Variants in TNFSF4 observed in about 807,000 individuals in gnomAD.
The protein encoded by TNFSF4 is TNF superfamily member 4.
A neutral mutation model predicts 7.3 loss-of-function variants in TNFSF4; 4 were observed. The observed-to-expected ratio is 0.55, with a 90% confidence interval of 0.27 to 1.25. The LOEUF is 1.25. Ranked by LOEUF, TNFSF4 falls within the 50% of genes most tolerant of loss-of-function variation. The pLI is 0.12. For missense variants in TNFSF4, 181 were observed against 208.8 expected (o/e 0.87, Z 0.82); for synonymous variants, 76 against 83.7 (o/e 0.91, Z 0.50).
the TNFSF4 span, among the ~76,000 whole-genome samples, chr1:173,376,579 A>T: frequency 6.6e-6 from 1 of 152,200 alleles, no homozygotes. Flanking sequence ...GTCTAGCTAA[A>T]GGTTTGTAAA....
the TNFSF4 span, among the ~76,000 whole-genome samples, chr1:173,442,488 C>T: frequency 6.7e-6 from 1 of 150,108 alleles, no homozygotes; most frequent in African/African-American, 2.5e-5. Flanking sequence ...CCTGAGAAAT[C>T]TAATCCACTC....
chr1:173,282,579 C>T, the TNFSF4 span, among the ~76,000 whole-genome samples: 1 of 151,924 alleles, frequency 6.6e-6, no homozygotes, highest in Admixed American at 6.6e-5. Flanking sequence ...CTGCCTTAGC[C>T]TCCTGAGTAG....
chr1:173,350,683 G>GCCTC, the TNFSF4 span, among the ~76,000 whole-genome samples: 1 of 152,212 alleles, frequency 6.6e-6, no homozygotes, highest in Admixed American at 6.5e-5. Flanking sequence ...GATTCTTGGT[G>GCCTC]CCTCCACCAA....
the TNFSF4 span, among the ~76,000 whole-genome samples, chr1:173,425,068 C>T: frequency 6.6e-6 from 1 of 152,338 alleles, no homozygotes; most frequent in South Asian, 2.1e-4. Context: ...GTCAATATTC[C>T]ACCCAGCCAC....
At chr1:173,175,734 A>T in the TNFSF4 span, among the ~76,000 whole-genome samples, 1 of 152,218 alleles carries the variant, frequency 6.6e-6, no homozygotes. Context: ...TCATCAGGTC[A>T]GACCAGCACT....
upstream of TNFSF4, among the ~76,000 whole-genome samples, chr1:173,210,616 G>T (rs751889996): frequency 1.3e-5 from 2 of 152,110 alleles, no homozygotes; most frequent in African/African-American, 2.4e-5. Flanking sequence ...AACATGGAGA[G>T]GTTTGAAGCA....
the TNFSF4 span, among the ~76,000 whole-genome samples, chr1:173,325,498 C>T: frequency 6.6e-6 from 1 of 151,858 alleles, no homozygotes. Flanking sequence ...TAGCAGAAGG[C>T]AAGAAATAAC....
intron 1 of TNFSF4, among the ~76,000 whole-genome samples, chr1:173,200,362 A>T (rs1462692514): frequency 6.6e-6 from 1 of 152,224 alleles, no homozygotes; most frequent in East Asian, 1.9e-4. Flanking sequence ...GAAGTAGGAA[A>T]AAGCTCTGCA....
chr1:173,302,545 AT>A, the TNFSF4 span, among the ~76,000 whole-genome samples: 1 of 151,920 alleles, frequency 6.6e-6, no homozygotes, highest in African/African-American at 2.4e-5. Flanking sequence ...ATTTAAGGTA[AT>A]GACTGACCCA....
chr1:173,274,219 T>C, the TNFSF4 span, among the ~76,000 whole-genome samples: 1 of 152,110 alleles, frequency 6.6e-6, no homozygotes, highest in East Asian at 1.9e-4. Flanking sequence ...TAAACACATA[T>C]TGCTCAACAA....
chr1:173,297,077 C>A, the TNFSF4 span, among the ~76,000 whole-genome samples: 2 of 151,834 alleles, frequency 1.3e-5, no homozygotes, highest in African/African-American at 4.8e-5. Context: ...TAATGATGAG[C>A]AAGAGAGTTT....
the TNFSF4 span, among the ~76,000 whole-genome samples, chr1:173,416,448 G>A: frequency 6.6e-6 from 1 of 151,996 alleles, no homozygotes; most frequent in Non-Finnish European, 1.5e-5. Context: ...AGAGGGAAGG[G>A]GACCAAAGGG....
the TNFSF4 span, among the ~76,000 whole-genome samples, chr1:173,357,888 C>T: frequency 1.3e-5 from 2 of 152,174 alleles, no homozygotes; most frequent in Non-Finnish European, 2.9e-5. Context: ...AAGAATAACA[C>T]ACACTATAGT....
chr1:173,204,298 C>A (rs1650083230), intron 1 of TNFSF4, among the ~76,000 whole-genome samples: 1 of 152,108 alleles, frequency 6.6e-6, no homozygotes, highest in South Asian at 2.1e-4. Flanking sequence ...TCTCATAATA[C>A]AGATTATAAA....
the TNFSF4 span, among the ~76,000 whole-genome samples, chr1:173,304,451 G>T: frequency 1.3e-5 from 2 of 151,894 alleles, no homozygotes; most frequent in Admixed American, 1.3e-4. Flanking sequence ...GTTTAGAAAG[G>T]GGAAAATACA....
At chr1:173,284,012 C>T in the TNFSF4 span, among the ~76,000 whole-genome samples, 2 of 151,864 alleles carry the variant, frequency 1.3e-5, no homozygotes, top group Admixed American at 6.6e-5. Context: ...GCAAAATAGC[C>T]TTATTGCTGA....
At chr1:173,351,848 C>T in the TNFSF4 span, 1 of 599,854 alleles carries the variant, frequency 1.7e-6, no homozygotes, top group Non-Finnish European at 3.1e-6. Flanking sequence ...AGGCCAATGG[C>T]ACAACTGTCC....
the TNFSF4 span, among the ~76,000 whole-genome samples, chr1:173,334,788 A>G: frequency 3.3e-5 from 5 of 152,110 alleles, no homozygotes; most frequent in Non-Finnish European, 5.9e-5. Context: ...GTCTCCCTTG[A>G]GGCTGCTGCC....
the TNFSF4 span, among the ~76,000 whole-genome samples, chr1:173,268,764 T>C: frequency 3.3e-5 from 5 of 152,006 alleles, no homozygotes; most frequent in African/African-American, 1.2e-4. Context: ...ATGACATAGG[T>C]TGGATGAAAG....
Sources: gnomAD v4.1 joint callset for allele counts (sites outside exome capture counted in the v4.1 genomes callset) on GRCh38, gnomAD v4.1.1 for gene constraint, MANE v1.5 for transcripts, NCBI Gene and HGNC (gene_info 2026-07-23, HGNC 2026-07-21) for gene names.